Variants in KLF12 observed in about 807,000 individuals in gnomAD.
KLF12 encodes Krueppel-like factor 12.
A neutral mutation model predicts 37.8 loss-of-function variants in KLF12; 9 were observed. That is an observed-to-expected ratio of 0.24 (90% confidence interval 0.14 to 0.42). The LOEUF (loss-of-function observed/expected upper bound fraction) is 0.42. KLF12 is among the 10% of genes least tolerant of loss of function. The probability of loss-of-function intolerance (pLI) is 1.00; values close to 1 mark genes in which losing one functional copy is unlikely to be tolerated. For missense variants in KLF12, 411 were observed against 516.0 expected (o/e 0.80, Z 1.97); for synonymous variants, 208 against 202.1 (o/e 1.03, Z -0.25).
At chr13:73,838,407 A>G (rs1884555648) in intron 4 of KLF12, among the ~76,000 whole-genome samples, 1 of 152,204 alleles carries the variant, frequency 6.6e-6, no homozygotes, top group Admixed American at 6.5e-5. Flanking sequence ...GTGTCTAAAT[A>G]TAGTAAGAAA....
intron 6 of KLF12, among the ~76,000 whole-genome samples, chr13:73,727,988 T>C (rs1253670607): frequency 1.3e-5 from 2 of 152,210 alleles, no homozygotes; most frequent in African/African-American, 4.8e-5. Context: ...TGTGCCGCCG[T>C]GGCCAGCCAT....
intron 6 of KLF12, among the ~76,000 whole-genome samples, chr13:73,747,137 A>T (rs1878428640): frequency 6.6e-6 from 1 of 152,018 alleles, no homozygotes; most frequent in African/African-American, 2.4e-5. Flanking sequence ...TTCTTCCTTC[A>T]AATATTTACT....
At chr13:74,172,365 G>T in the KLF12 span, among the ~76,000 whole-genome samples, 3 of 152,066 alleles carry the variant, frequency 2.0e-5, no homozygotes, top group East Asian at 1.9e-4. Context: ...GTAACAGAAA[G>T]ATCTTAAACA....
intron 1 of KLF12, among the ~76,000 whole-genome samples, chr13:74,129,702 G>T (rs78606981): frequency 6.8e-6 from 1 of 146,204 alleles, no homozygotes; most frequent in Non-Finnish European, 1.5e-5. Context: ...AAAAAAAAAA[G>T]ACAGGAAGAA....
At chr13:73,847,152 ATATC>A (rs1403006608) in intron 3 of KLF12, among the ~76,000 whole-genome samples, 1 of 152,150 alleles carries the variant, frequency 6.6e-6, no homozygotes, top group Non-Finnish European at 1.5e-5. Flanking sequence ...TTTTACTCAT[ATATC>A]TATTCATTCA....
At chr13:73,992,331 C>CTTTTTTGTCGTTTTCTAAAGGCAGATTTA (rs1891990517) in intron 2 of KLF12, among the ~76,000 whole-genome samples, 1 of 152,146 alleles carries the variant, frequency 6.6e-6, no homozygotes, top group Non-Finnish European at 1.5e-5. Context: ...CAACAGGAAT[C>CTTTTTTGTCGTTTTCTAAAGGCAGATTTA]TTTTTAGAAT....
intron 1 of KLF12, among the ~76,000 whole-genome samples, chr13:74,044,585 G>A (rs774410811): frequency 2.6e-5 from 4 of 152,110 alleles, no homozygotes; most frequent in Non-Finnish European, 5.9e-5. Flanking sequence ...GGTGGCTCAC[G>A]TCTGTAATCC....
At chr13:74,278,542 G>A in the KLF12 span, among the ~76,000 whole-genome samples, 60 of 152,158 alleles carry the variant, frequency 3.9e-4, no homozygotes, top group African/African-American at 1.3e-3. Flanking sequence ...CCAGTCCACA[G>A]TGTCCTCCAA....
At chr13:73,922,744 G>A (rs760364155) in intron 3 of KLF12, among the ~76,000 whole-genome samples, 1 of 152,146 alleles carries the variant, frequency 6.6e-6, no homozygotes, top group Non-Finnish European at 1.5e-5. Context: ...TAGGTATTGT[G>A]CAAGGCTTCA....
rs79429664 is a variant in KLF12 at position 74,125,767 on chromosome 13, A to T, written c.-32+7972T>A. On this transcript the variant is annotated intron_variant, in intron 1 of 7. Coordinates refer to ENST00000377669, the MANE Select transcript of KLF12 (RefSeq NM_007249.5). ...TCTTGTAGTAAACGTATTCTAGTAA[A>T]CACAGTATGTCAATATGATCTACAA... Among the ~76,000 whole-genome samples, 677 of 152,336 alleles carry T rather than the reference A, an allele frequency of 4.4e-3. 3 individuals carry two copies. The highest frequency in any genetic ancestry group is 7.5e-3 in the Non-Finnish European group (508 of 68,022).
At position 73,787,227 on chromosome 13, in the gene KLF12, G is replaced by C. The variant is rs140929502; in HGVS notation, c.807-22227C>G. 4.1e-3 allele frequency among the ~76,000 whole-genome samples: 625 copies of C among 152,278 alleles called. 3 individuals are homozygous for C. The highest frequency in any genetic ancestry group is 0.013 in the African/African-American group (556 of 41,556). Reference sequence around the variant, plus strand: ...AGCACCTGCTTTTTTGCCAGGGACTGTTCCAGATACTCTGCAAGTCTCTCC... The same window carrying C: ...AGCACCTGCTTTTTTGCCAGGGACTCTTCCAGATACTCTGCAAGTCTCTCC... On this transcript the variant is annotated intron_variant, in intron 5 of 7. Coordinates refer to ENST00000377669, the MANE Select transcript of KLF12 (RefSeq NM_007249.5).
Position 74,060,506 on chromosome 13 carries a change from G to GTGTGTC in KLF12, c.-31-65454_-31-65453insGACACA, listed in dbSNP as rs1555336683. The stretch of plus-strand genomic sequence containing the variant: ...GTTTTGTGTGTGTGTGTGTGTGTGT[G>GTGTGTC]TGTGTGTGTGTGTGTGTGTGTGTGT... On this transcript the variant is annotated intron_variant, in intron 1 of 7. Coordinates refer to ENST00000377669, the MANE Select transcript of KLF12 (RefSeq NM_007249.5). Among the ~76,000 whole-genome samples the GTGTGTC allele has an allele frequency of 4.4e-4, 67 of 150,660 alleles. 2 individuals carry two copies. The highest frequency in any genetic ancestry group is 3.3e-4 in the Non-Finnish European group (22 of 67,512).
At chr13:73,967,078 G>T (rs1891188778) in intron 2 of KLF12, among the ~76,000 whole-genome samples, 1 of 152,066 alleles carries the variant, frequency 6.6e-6, no homozygotes. Context: ...CTCTAATTTT[G>T]TTTTCTAATA....
intron 6 of KLF12, among the ~76,000 whole-genome samples, chr13:73,733,029 T>G (rs2033737663): frequency 6.6e-6 from 1 of 152,174 alleles, no homozygotes; most frequent in South Asian, 2.1e-4. Flanking sequence ...TTTGAATACT[T>G]CCATCTTCAC....
the KLF12 span, among the ~76,000 whole-genome samples, chr13:74,264,034 G>A: frequency 6.6e-6 from 1 of 152,112 alleles, no homozygotes; most frequent in African/African-American, 2.4e-5. Context: ...GATTGTACCT[G>A]GCATAACTGG....
chr13:73,951,335 C>T (rs1027543308), intron 2 of KLF12, among the ~76,000 whole-genome samples: 1 of 151,986 alleles, frequency 6.6e-6, no homozygotes, highest in Admixed American at 6.6e-5. Flanking sequence ...GTCATTTAAT[C>T]GCACATCAAC....
chr13:73,940,276 G>A (rs1165218788), intron 3 of KLF12, among the ~76,000 whole-genome samples: 1 of 152,272 alleles, frequency 6.6e-6, no homozygotes, highest in African/African-American at 2.4e-5. Context: ...CTGTGCCCCT[G>A]AAGCGTATCA....
rs1874630047 is a variant in KLF12 at position 73,702,482 on chromosome 13, C to T, written c.1028-6811G>A. Among the ~76,000 whole-genome samples the T allele has an allele frequency of 2.6e-5, 4 of 152,112 alleles. No homozygotes were observed. The South Asian group carries it at 8.3e-4, about 31-fold the overall frequency. On this transcript the variant is annotated intron_variant, in intron 7 of 7. Coordinates refer to ENST00000377669, the MANE Select transcript of KLF12 (RefSeq NM_007249.5). Reference sequence around the variant, plus strand: ...CAGGTGCCCTTTCATATTAAAATGACGTGTGAGCAACGCACATAAGAGGAA... The same window carrying T: ...CAGGTGCCCTTTCATATTAAAATGATGTGTGAGCAACGCACATAAGAGGAA...
At chr13:74,193,338 T>G in the KLF12 span, among the ~76,000 whole-genome samples, 1 of 152,194 alleles carries the variant, frequency 6.6e-6, no homozygotes, top group East Asian at 1.9e-4. Flanking sequence ...GGTCTCTATA[T>G]GTCACCTACT....
Sources: allele counts gnomAD v4.1 joint callset (sites outside exome capture counted in the v4.1 genomes callset), GRCh38; gene constraint gnomAD v4.1.1; transcripts MANE v1.5; gene names NCBI Gene and HGNC (gene_info 2026-07-23, HGNC 2026-07-21).